CCDC7: variants seen among roughly 807,000 people sequenced by gnomAD.
CCDC7 encodes coiled-coil domain containing 7.
Under a neutral mutation model 196.9 loss-of-function variants are expected in CCDC7, and 183 were observed. That is an observed-to-expected ratio of 0.93 (90% CI 0.82 to 1.05). The LOEUF is 1.05. CCDC7 is among the 50% of genes least tolerant of loss of function. The pLI, the probability that CCDC7 is intolerant of heterozygous loss-of-function variation, is 0.00. For synonymous variants in CCDC7, 525 were observed against 484.6 expected, an observed-to-expected ratio of 1.08 and a Z score of -1.10; for missense variants, 1,540 against 1,482.2, an observed-to-expected ratio of 1.04 and a Z score of -0.64.
At chr10:32,476,038 G>A (rs1457946787) in intron 8 of CCDC7, among the ~76,000 whole-genome samples, 2 of 152,200 alleles carry the variant, frequency 1.3e-5, no homozygotes, top group East Asian at 3.8e-4. Context: ...TGTTATGGTT[G>A]ATGAACCAAT....
At chr10:32,573,129 C>T (rs1459349992) in intron 16 of CCDC7, among the ~76,000 whole-genome samples, 3 of 152,116 alleles carry the variant, frequency 2.0e-5, no homozygotes, top group South Asian at 2.1e-4. Context: ...CCACCCACCT[C>T]GGACTCCCAA....
At chr10:32,796,575 G>T (rs920783376) in intron 29 of CCDC7, among the ~76,000 whole-genome samples, 1 of 152,136 alleles carries the variant, frequency 6.6e-6, no homozygotes, top group Non-Finnish European at 1.5e-5. Context: ...AACTTTCTGT[G>T]CAGAGAATAG....
intron 28 of CCDC7, among the ~76,000 whole-genome samples, chr10:32,766,413 G>C (rs369337398): frequency 2.6e-5 from 4 of 152,024 alleles, no homozygotes; most frequent in African/African-American, 9.7e-5. Flanking sequence ...AACAGGTACA[G>C]GGTGCTCTTC....
chr10:32,675,177 CTCTT>C (rs1294587516), intron 21 of CCDC7, among the ~76,000 whole-genome samples: 2 of 152,044 alleles, frequency 1.3e-5, no homozygotes, highest in Non-Finnish European at 2.9e-5. Flanking sequence ...CTATCTTCCT[CTCTT>C]TCTGCTTTAC....
intron 33 of CCDC7, among the ~76,000 whole-genome samples, chr10:32,837,932 G>A (rs1188064440): frequency 2.3e-5 from 3 of 132,198 alleles, no homozygotes; most frequent in Admixed American, 1.6e-4. Context: ...TTGTGGGGTC[G>A]GGGGAGGGGG....
chr10:32,591,089 A>G (rs986620669), intron 18 of CCDC7, among the ~76,000 whole-genome samples: 2 of 151,600 alleles, frequency 1.3e-5, no homozygotes, highest in Non-Finnish European at 2.9e-5. Context: ...CCCTCTTTCT[A>G]CCTCCTCTCT....
At chr10:32,611,616 T>A (rs2062144737) in intron 18 of CCDC7, among the ~76,000 whole-genome samples, 1 of 152,186 alleles carries the variant, frequency 6.6e-6, no homozygotes, top group Non-Finnish European at 1.5e-5. Context: ...AAGGAAGGGA[T>A]CCAGTTTCAG....
intron 15 of CCDC7, among the ~76,000 whole-genome samples, chr10:32,570,711 T>C (rs962401983): frequency 1.3e-5 from 2 of 152,150 alleles, no homozygotes; most frequent in Admixed American, 1.3e-4. Context: ...CTGGAGGAGA[T>C]GCACATTCTT....
intron 20 of CCDC7, among the ~76,000 whole-genome samples, chr10:32,639,892 C>G (rs948700414): frequency 2.6e-5 from 4 of 152,286 alleles, no homozygotes; most frequent in African/African-American, 9.6e-5. Context: ...GCTGGGATTA[C>G]AAGCGTGAGC....
At chr10:32,735,383 G>T (rs1404380008) in intron 28 of CCDC7, among the ~76,000 whole-genome samples, 2 of 152,102 alleles carry the variant, frequency 1.3e-5, no homozygotes, top group Non-Finnish European at 2.9e-5. Flanking sequence ...TTGGATTTTA[G>T]CCATTCTGAT....
At position 32,868,146 on chromosome 10, in the gene CCDC7, T is replaced by C. The variant is rs181489491; in HGVS notation, c.4112-8201T>C. ...TATTACATTGTATGTATATACCACA[T>C]TTTGCTTAATTATTCATCCATCAGC... On this transcript the variant is annotated intron_variant, in intron 41 of 41. Transcript: ENST00000639629. Among the ~76,000 whole-genome samples the C allele has an allele frequency of 4.5e-3, 691 of 152,100 alleles. 7 individuals carry two copies. Among genetic ancestry groups the C allele is most frequent in the Non-Finnish European group, 4.6e-3 (311 of 67,938 alleles).
chr10:32,620,729 G>T (rs2063323694), intron 18 of CCDC7, among the ~76,000 whole-genome samples: 1 of 152,120 alleles, frequency 6.6e-6, no homozygotes, highest in Non-Finnish European at 1.5e-5. Flanking sequence ...TCTGATTAAG[G>T]TTTAGATACT....
At chr10:32,846,219 T>C (rs1379386416) in intron 36 of CCDC7, among the ~76,000 whole-genome samples, 157 bp from the exon 38 acceptor site, 2 of 149,174 alleles carry the variant, frequency 1.3e-5, no homozygotes, top group Non-Finnish European at 3.0e-5. Flanking sequence ...ATGACAACAG[T>C]GTCTACATGT....
At chr10:32,584,261 G>C (rs1366016795) in exon 18 of CCDC7, 1 of 1,593,942 alleles carries the variant, frequency 6.3e-7, no homozygotes, top group African/African-American at 1.3e-5. Flanking sequence ...AATTACAAAA[G>C]ATGACTGAAG....
At position 32,563,432 on chromosome 10, in the gene CCDC7, G is replaced by A. The variant is rs546232925; in HGVS notation, c.1135-2126G>A. Among the ~76,000 whole-genome samples the A allele has an allele frequency of 1.4e-3, 220 of 152,312 alleles. 2 individuals carry two copies. The highest frequency in any genetic ancestry group is 3.6e-3 in the Admixed American group (55 of 15,298). ...AGGCTACAGTAACCAAAACAGCATGGTACTGGTACCAAAACAGAGATATAG... is the reference window on the plus strand; with the variant it reads ...AGGCTACAGTAACCAAAACAGCATGATACTGGTACCAAAACAGAGATATAG... On this transcript the variant is annotated intron_variant, in intron 13 of 41. Coordinates refer to ENST00000639629, the Ensembl canonical transcript of CCDC7.
At chr10:32,561,997 C>G (rs2055768609) in intron 13 of CCDC7, among the ~76,000 whole-genome samples, 1 of 152,140 alleles carries the variant, frequency 6.6e-6, no homozygotes, top group Non-Finnish European at 1.5e-5. Context: ...GAAATACAAA[C>G]TACTATCAGA....
At chr10:32,717,581 T>C (rs1238938357) in intron 25 of CCDC7, among the ~76,000 whole-genome samples, 1 of 151,736 alleles carries the variant, frequency 6.6e-6, no homozygotes, top group Non-Finnish European at 1.5e-5. Context: ...AATAAATGAA[T>C]TCAGGAGCTG....
At chr10:32,826,343 T>A (rs1462217744) in intron 32 of CCDC7, among the ~76,000 whole-genome samples, 3 of 152,170 alleles carry the variant, frequency 2.0e-5, no homozygotes, top group Non-Finnish European at 2.9e-5. Flanking sequence ...AAAGATGCCC[T>A]CCTTTTGAGA....
intron 20 of CCDC7, among the ~76,000 whole-genome samples, chr10:32,656,266 A>G (rs116425185): frequency 3.9e-5 from 6 of 152,330 alleles, no homozygotes; most frequent in African/African-American, 1.4e-4. Context: ...TTAAATTAGT[A>G]TGTCAAAGAG....
Sources: gnomAD v4.1 joint callset for allele counts (sites outside exome capture counted in the v4.1 genomes callset) on GRCh38, gnomAD v4.1.1 for gene constraint, MANE v1.5 for transcripts, NCBI Gene and HGNC (gene_info 2026-07-23, HGNC 2026-07-21) for gene names.